ALDH16A1: variants seen among roughly 807,000 people sequenced by gnomAD.
ALDH16A1 encodes aldehyde dehydrogenase 16 family member A1, also known as aldehyde dehydrogenase family 16 member A1.
A neutral mutation model predicts 96.1 loss-of-function variants in ALDH16A1; 88 were observed. The observed-to-expected ratio is 0.92, with a 90% CI of 0.77 to 1.09. ALDH16A1 has a LOEUF of 1.09. Ranked by LOEUF, ALDH16A1 falls within the 50% of genes least tolerant of loss-of-function variation. ALDH16A1 has a pLI of 0.00. For synonymous variants in ALDH16A1, 522 were observed against 496.4 expected (o/e 1.05, Z -0.69); for missense variants, 1,250 against 1,112.6 (o/e 1.12, Z -1.76).
At chr19:49,465,940 G>A in intron 13 of ALDH16A1, 35 bp downstream of exon 13, 1 of 1,600,404 alleles carries the variant, frequency 6.2e-7, no homozygotes, top group Non-Finnish European at 8.5e-7. Flanking sequence ...AAGGGTCATG[G>A]TGTGGCAGAG....
chr19:49,468,860 C>T lies in ALDH16A1; in HGVS notation c.2125-4C>T. ...CCCAACCTTTCACTCTCTCTATCCC[C>T]TAGGACATGGCCACCGTGTTCCCAG... On this transcript the variant is annotated splice_polypyrimidine_tract_variant and splice_region_variant and intron_variant, in intron 15 of 16. Transcript: ENST00000293350. This position sits in a 1 kb window ranked among gnomAD's most constrained non-coding sequence, Gnocchi z 4.4. 1 of 1,613,226 alleles carries T rather than the reference C, an allele frequency of 6.2e-7. No individual in the cohort carries two copies. The highest frequency in any genetic ancestry group is 8.5e-7 in the Non-Finnish European group (1 of 1,179,832).
chr19:49,466,024 G>T, intron 13 of ALDH16A1, 58 bp from the exon 14 acceptor site: 1 of 1,537,126 alleles, frequency 6.5e-7, no homozygotes, highest in Non-Finnish European at 8.8e-7. Flanking sequence ...ACAGAGGTGG[G>T]GTGTCAGGAG....
At position 49,460,883 on chromosome 19, in the gene ALDH16A1, C is replaced by T; in HGVS notation, c.561C>T (p.Cys187=). The change falls in exon 5 of 17, where the codon TGC becomes TGT. Residue 187 remains cysteine (C), a synonymous_variant. Transcript: ENST00000293350. ...TCCTTGAGATGATGTGGAGGATTTG[C>T]CCTGCCCTGGCTGTGGGTAAATGAT... ...FSFLEMMWRI[C]PALAVGCTVV... 2 of 1,613,466 alleles carry T rather than the reference C, an allele frequency of 1.2e-6. No individual in the cohort carries two copies. Among genetic ancestry groups the T allele is most frequent in the East Asian group, 2.2e-5 (1 of 44,882 alleles).
Position 49,468,644 on chromosome 19 carries a change from G to A in ALDH16A1, c.2124+78G>A. On this transcript the variant is annotated intron_variant, in intron 15 of 16. Transcript: ENST00000293350. This position sits in a 1 kb window ranked among gnomAD's most constrained non-coding sequence, Gnocchi z 4.4. ...AAAAGGCGCCCCAAAGTCGGCAGGAGCTTGTCTCTTACCCCACCCTCCGTG... is the reference window on the plus strand; with the variant it reads ...AAAAGGCGCCCCAAAGTCGGCAGGAACTTGTCTCTTACCCCACCCTCCGTG... 1.3e-6 allele frequency: 2 copies of A among 1,537,852 alleles called. No homozygotes were observed. Among genetic ancestry groups the A allele is most frequent in the Non-Finnish European group, 1.8e-6 (2 of 1,140,108 alleles).
Position 49,468,654 on chromosome 19 carries a change from TA to T in ALDH16A1, c.2124+89del. 3 of 1,507,966 alleles carry T rather than the reference TA, an allele frequency of 2.0e-6. No individual in the cohort carries two copies. The East Asian group carries it at 6.8e-5, about 34-fold the overall frequency. The allele number at this position is 1,507,966 out of a possible 1,614,324, so 93.4% of individuals were successfully genotyped here. ...CCAAAGTCGGCAGGAGCTTGTCTCT[TA>T]CCCCACCCTCCGTGGTACCCATGCT... is the stretch of plus-strand genomic sequence containing the variant. On this transcript the variant is annotated intron_variant, in intron 15 of 16. Coordinates refer to ENST00000293350, the MANE Select transcript of ALDH16A1 (RefSeq NM_153329.4). The surrounding 1 kb of genome is among the most constrained non-coding windows in gnomAD (Gnocchi z 4.4).
chr19:49,462,191 G>A (rs886369000), intron 7 of ALDH16A1, among the ~76,000 whole-genome samples, 155 bp downstream of exon 7: 11 of 150,682 alleles, frequency 7.3e-5, no homozygotes, highest in Non-Finnish European at 1.5e-4. Context: ...GGGGTGCAGC[G>A]GCGCGATTTT....
At position 49,468,385 on chromosome 19, in the gene ALDH16A1, C is replaced by G. The variant is rs762110066; in HGVS notation, c.1943C>G (p.Ala648Gly). 1.3e-6 allele frequency: 2 copies of G among 1,598,568 alleles called. No homozygotes were observed. The highest frequency in any genetic ancestry group is 1.7e-5 in the Admixed American group (1 of 59,948). The change falls in exon 15 of 17, where the codon GCC becomes GGC. Residue 648 changes from alanine to glycine, a missense_variant. By Grantham distance (60) the Ala-to-Gly change is moderately conservative. Transcript: ENST00000293350. The surrounding 1 kb of genome is among the most constrained non-coding windows in gnomAD (Gnocchi z 4.4). ...VQAQGHTLQV[A>G]GLRGPVLRLR... The stretch of plus-strand genomic sequence containing the variant: ...GTGACCCACCTGTCCCTGCAGGTAG[C>G]CGGGCTGAGAGGCCCTGTGCTGCGC...
chr19:49,455,479 C>A (rs1030325182), intron 1 of ALDH16A1, among the ~76,000 whole-genome samples: 1 of 150,918 alleles, frequency 6.6e-6, no homozygotes, highest in African/African-American at 2.5e-5. Context: ...TGGCAGCACA[C>A]ACCTGTAGTC....
chr19:49,460,274 C>T (rs2122380136), intron 4 of ALDH16A1, among the ~76,000 whole-genome samples: 1 of 152,158 alleles, frequency 6.6e-6, no homozygotes, highest in Non-Finnish European at 1.5e-5. Flanking sequence ...GGGTCTTTCT[C>T]TGTCACCCTG....
rs778923368 is a variant in ALDH16A1 at position 49,461,860 on chromosome 19, G to C, written c.760-24G>C. The C allele has an allele frequency of 1.0e-5, 16 of 1,594,538 alleles. 1 individual carries two copies. The South Asian group carries it at 1.4e-4, about 13-fold the overall frequency. On this transcript the variant is annotated intron_variant, in intron 6 of 16. Transcript: ENST00000293350. The stretch of plus-strand genomic sequence containing the variant: ...CTGGGGGCCGCAAGGCTCCTCCTGC[G>C]GCTGAACTGGGGGGGGTCCCTAGGA...
At chr19:49,458,401 G>A (rs750091919) in intron 1 of ALDH16A1, 85 bp from the exon 2 acceptor site, 34 of 1,019,666 alleles carry the variant, frequency 3.3e-5, no homozygotes, top group Non-Finnish European at 4.5e-5. Context: ...GGAGACAGAC[G>A]TCCCCTCCTA....
In ALDH16A1 at chr19:49,466,289, G is replaced by A; in HGVS notation, c.1938+6G>A. ...CCCAAGGCCACACCCTGCAGGTGAA[G>A]GGTCTGTGGGCACCTGGGCCAGCTG... On this transcript the variant is annotated splice_donor_region_variant and intron_variant, in intron 14 of 16. Coordinates refer to ENST00000293350, the MANE Select transcript of ALDH16A1 (RefSeq NM_153329.4). 7.0e-7 allele frequency: 1 copy of A among 1,438,058 alleles called. No homozygotes were observed. Among genetic ancestry groups the A allele is most frequent in the Non-Finnish European group, 9.1e-7 (1 of 1,096,552 alleles). The allele number at this position is 1,438,058 out of a possible 1,614,324, so 89.1% of individuals were successfully genotyped here.
In ALDH16A1 at chr19:49,466,885, T is replaced by C. The variant is rs550671336; in HGVS notation, c.1938+602T>C. 2.7e-5 allele frequency among the ~76,000 whole-genome samples: 4 copies of C among 147,226 alleles called. No individual in the cohort carries two copies. The South Asian group carries it at 8.8e-4, about 32-fold the overall frequency. Reference sequence around the variant, plus strand: ...ACAAAAAAAAACAAAAAACAAAAAATACCTGGCCAGACATGGTGGCTCACG... The same window carrying C: ...ACAAAAAAAAACAAAAAACAAAAAACACCTGGCCAGACATGGTGGCTCACG... On this transcript the variant is annotated intron_variant, in intron 14 of 16. Coordinates refer to ENST00000293350, the MANE Select transcript of ALDH16A1 (RefSeq NM_153329.4).
chr19:49,461,104 A>T (rs867695264), intron 5 of ALDH16A1, among the ~76,000 whole-genome samples: 1 of 71,504 alleles, frequency 1.4e-5, no homozygotes, highest in African/African-American at 6.0e-5. Context: ...AGGGAGGAGG[A>T]GCTGGAGTCT....
intron 1 of ALDH16A1, among the ~76,000 whole-genome samples, chr19:49,458,105 G>A (rs1465257114): frequency 1.3e-5 from 2 of 152,100 alleles, no homozygotes; most frequent in Admixed American, 1.3e-4. Context: ...TGTAGTCCCA[G>A]CTACTCAGGA....
chr19:49,468,359 C>A lies in ALDH16A1; in HGVS notation c.1939-22C>A. Reference sequence around the variant, plus strand: ...GCGGGCGGGGCTCCCCTGCCCCACACGTGACCCACCTGTCCCTGCAGGTAG... The same window carrying A: ...GCGGGCGGGGCTCCCCTGCCCCACAAGTGACCCACCTGTCCCTGCAGGTAG... On this transcript the variant is annotated intron_variant, in intron 14 of 16. Coordinates refer to ENST00000293350, the MANE Select transcript of ALDH16A1 (RefSeq NM_153329.4). This position sits in a 1 kb window ranked among gnomAD's most constrained non-coding sequence, Gnocchi z 4.4. 1 of 1,594,964 alleles carries A rather than the reference C, an allele frequency of 6.3e-7. No individual in the cohort carries two copies. Among genetic ancestry groups the A allele is most frequent in the African/African-American group, 1.3e-5 (1 of 74,902 alleles).
rs969964990 is a variant in ALDH16A1 at position 49,468,812 on chromosome 19, C to T, written c.2125-52C>T. 4 of 1,589,000 alleles carry T rather than the reference C, an allele frequency of 2.5e-6. No individual in the cohort carries two copies. The African/African-American group carries it at 5.4e-5, about 21-fold the overall frequency. On this transcript the variant is annotated intron_variant, in intron 15 of 16. Coordinates refer to ENST00000293350, the MANE Select transcript of ALDH16A1 (RefSeq NM_153329.4). The surrounding 1 kb of genome is among the most constrained non-coding windows in gnomAD (Gnocchi z 4.4). The stretch of plus-strand genomic sequence containing the variant: ...CATGGGCACCCCCTGAATGCCCACT[C>T]CTTGCCCTGCCCCCACGGCCTCCCC...
intron 10 of ALDH16A1, 41 bp from the exon 11 acceptor site, chr19:49,464,376 C>G (rs373759432): frequency 1.3e-5 from 21 of 1,567,676 alleles, no homozygotes; most frequent in Non-Finnish European, 1.7e-6. Context: ...GGCCTGCCAC[C>G]GTCTGTTTTC....
chr19:49,458,828 T>C, intron 2 of ALDH16A1, 132 bp from the exon 3 acceptor site: 1 of 1,339,732 alleles, frequency 7.5e-7, no homozygotes, highest in Non-Finnish European at 1.0e-6. Context: ...GAGGTGATCA[T>C]AGCCGTGACC....
Sources: allele counts gnomAD v4.1 joint callset (sites outside exome capture counted in the v4.1 genomes callset), GRCh38; gene constraint gnomAD v4.1.1; non-coding constraint Gnocchi (gnomAD v3.1); transcripts MANE v1.5; gene names NCBI Gene and HGNC (gene_info 2026-07-23, HGNC 2026-07-21).